The following NRXN3 variants were observed in gnomAD, a reference collection of about 807,000 sequenced individuals.
The protein encoded by NRXN3 is neurexin III.
NRXN3 carries 32 observed loss-of-function variants against 137.6 expected under a neutral mutation model. The observed-to-expected ratio is 0.23, with a 90% confidence interval of 0.18 to 0.31. The LOEUF (loss-of-function observed/expected upper bound fraction) is 0.31, where lower values mean the gene tolerates loss of function less well. Among genes scored for constraint, NRXN3 ranks in the 10% least tolerant of loss-of-function variants. The pLI is 1.00. For synonymous variants in NRXN3, 798 were observed against 784.5 expected (o/e 1.02, Z -0.29); for missense variants, 1,574 against 2,062.5 (o/e 0.76, Z 4.59).
intron 16 of NRXN3, among the ~76,000 whole-genome samples, chr14:79,565,325 G>GTA (rs780709527): frequency 0.013 from 1,749 of 139,530 alleles, 22 homozygotes; most frequent in African/African-American, 0.034. Flanking sequence ...ACATGTGTGT[G>GTA]TATATATATA....
At chr14:78,891,739 T>C (rs751222628) in intron 10 of NRXN3, among the ~76,000 whole-genome samples, 4 of 152,004 alleles carry the variant, frequency 2.6e-5, no homozygotes, top group Non-Finnish European at 5.9e-5. Flanking sequence ...AAATGTGAGA[T>C]GATTAAGAAA....
intron 8 of NRXN3, among the ~76,000 whole-genome samples, chr14:78,773,685 C>T (rs1214817795): frequency 6.6e-6 from 1 of 152,168 alleles, no homozygotes; most frequent in South Asian, 2.1e-4. Context: ...CGACACCCTT[C>T]CTCAGTGTTT....
In NRXN3 at chr14:79,788,877, A is replaced by G. The variant is rs567055275; in HGVS notation, c.4015-16235A>G. On this transcript the variant is annotated intron_variant, in intron 19 of 20. Coordinates refer to ENST00000335750, the MANE Select transcript of NRXN3 (RefSeq NM_001330195.2). ...AGTGTTTGGGTTGGACCTTAAAAAA[A>G]GGTATACCATTTCAGCAGGTATAAA... Among the ~76,000 whole-genome samples the G allele has an allele frequency of 3.3e-5, 5 of 152,358 alleles. No homozygotes were observed. In the South Asian group the frequency reaches 6.2e-4, roughly 19 times the overall value.
chr14:78,497,121 T>C (rs986542247), intron 4 of NRXN3, among the ~76,000 whole-genome samples: 1 of 152,058 alleles, frequency 6.6e-6, no homozygotes, highest in Non-Finnish European at 1.5e-5. Flanking sequence ...CATTGTAGGA[T>C]CTAGATCAAA....
intron 6 of NRXN3, among the ~76,000 whole-genome samples, chr14:78,681,080 C>T (rs2098070335): frequency 6.6e-6 from 1 of 152,180 alleles, no homozygotes; most frequent in Admixed American, 6.5e-5. Flanking sequence ...AGAGACACTC[C>T]ATTTGGGGGT....
At chr14:78,755,449 A>T (rs376647294) in intron 8 of NRXN3, among the ~76,000 whole-genome samples, 2 of 152,174 alleles carry the variant, frequency 1.3e-5, no homozygotes, top group African/African-American at 4.8e-5. Flanking sequence ...CATGTTAGGT[A>T]TCCAATTAAT....
chr14:78,737,204 C>A (rs1191674344), intron 8 of NRXN3, among the ~76,000 whole-genome samples: 3 of 152,304 alleles, frequency 2.0e-5, no homozygotes, highest in Admixed American at 6.5e-5. Flanking sequence ...AAGACACATA[C>A]AAACAAATAG....
chr14:79,585,695 A>AAAC (rs2097759897), intron 16 of NRXN3, among the ~76,000 whole-genome samples: 1 of 93,476 alleles, frequency 1.1e-5, no homozygotes, highest in African/African-American at 3.7e-5. Context: ...AAAAAAAAAC[A>AAAC]AAAAAAAAAA....
chr14:78,279,445 A>G (rs1027767621), intron 3 of NRXN3: 17 of 152,344 alleles, frequency 1.1e-4, no homozygotes, highest in Admixed American at 5.2e-4. Flanking sequence ...AACTGGCTAG[A>G]ACTTTGAGTT....
At chr14:78,286,562 C>T (rs915692773) in intron 3 of NRXN3, among the ~76,000 whole-genome samples, 2 of 152,100 alleles carry the variant, frequency 1.3e-5, no homozygotes, top group Non-Finnish European at 2.9e-5. Context: ...AGGTGGAATG[C>T]AGCTGAGAGT....
chr14:79,631,413 C>T (rs900817674), intron 16 of NRXN3, among the ~76,000 whole-genome samples: 1 of 152,268 alleles, frequency 6.6e-6, no homozygotes, highest in African/African-American at 2.4e-5. Flanking sequence ...CTCTCTGGGG[C>T]TGGCCAAGGC....
intron 1 of NRXN3, among the ~76,000 whole-genome samples, chr14:78,173,053 T>C (rs1595551028): frequency 6.6e-6 from 1 of 151,910 alleles, no homozygotes; most frequent in East Asian, 1.9e-4. Flanking sequence ...TGAGATTGGG[T>C]GGCGGTTGGT....
chr14:78,638,943 T>G (rs139883909), intron 4 of NRXN3, among the ~76,000 whole-genome samples: 1 of 152,336 alleles, frequency 6.6e-6, no homozygotes, highest in East Asian at 1.9e-4. Context: ...TTGGAGCCAT[T>G]ACTTCTTTTG....
At chr14:79,217,496 G>A (rs2068746020) in intron 15 of NRXN3, among the ~76,000 whole-genome samples, 1 of 151,870 alleles carries the variant, frequency 6.6e-6, no homozygotes, top group Non-Finnish European at 1.5e-5. Flanking sequence ...AGATTTGAAG[G>A]GAACAAAACA....
intron 1 of NRXN3, among the ~76,000 whole-genome samples, chr14:78,180,429 T>G (rs1246597365): frequency 6.6e-6 from 1 of 152,248 alleles, no homozygotes; most frequent in African/African-American, 2.4e-5. Flanking sequence ...GAGCTGCCGC[T>G]GCATTAAGTT....
chr14:79,780,930 C>G (rs1046313098), intron 19 of NRXN3, among the ~76,000 whole-genome samples: 1 of 151,914 alleles, frequency 6.6e-6, no homozygotes, highest in Admixed American at 6.6e-5. Flanking sequence ...TTCAAAAAAC[C>G]CTGTGGAAAA....
At chr14:79,373,039 C>G (rs2094157128) in intron 15 of NRXN3, among the ~76,000 whole-genome samples, 1 of 152,094 alleles carries the variant, frequency 6.6e-6, no homozygotes, top group South Asian at 2.1e-4. Context: ...CTCTGTGAAT[C>G]TGACGCTTCT....
chr14:78,621,779 C>CTG (rs2152502212), intron 4 of NRXN3, among the ~76,000 whole-genome samples: 1 of 152,328 alleles, frequency 6.6e-6, no homozygotes, highest in African/African-American at 2.4e-5. Flanking sequence ...CTGCGGTTTG[C>CTG]TGTAGCTTTG....
intron 16 of NRXN3, among the ~76,000 whole-genome samples, chr14:79,499,827 T>C (rs1051345838): frequency 6.6e-6 from 1 of 152,132 alleles, no homozygotes; most frequent in African/African-American, 2.4e-5. Context: ...TGTCATGATA[T>C]GGACTGACTC....
Sources: allele counts gnomAD v4.1 joint callset (sites outside exome capture counted in the v4.1 genomes callset), GRCh38; gene constraint gnomAD v4.1.1; transcripts MANE v1.5; gene names NCBI Gene and HGNC (gene_info 2026-07-23, HGNC 2026-07-21).